Variants in WAPL observed in about 807,000 individuals in gnomAD.
WAPL encodes the protein WAPL cohesin release factor.
In WAPL, 5 loss-of-function variants were observed where a neutral mutation model predicts 121.0. That is an observed-to-expected ratio of 0.04 (90% CI 0.02 to 0.09). WAPL has a LOEUF of 0.09. Ranked by LOEUF, WAPL falls within the 10% of genes least tolerant of loss-of-function variation. WAPL has a pLI of 1.00. For missense variants in WAPL, 999 were observed against 1,410.8 expected, an observed-to-expected ratio of 0.71 and a Z score of 4.68; for synonymous variants, 480 against 481.5, an observed-to-expected ratio of 1.00 and a Z score of 0.04.
Position 86,446,252 on chromosome 10 carries a change from G to A in WAPL, c.3312C>T (p.Asp1104=). The change falls in exon 16 of 19, where the codon GAC becomes GAT. Residue 1104 remains aspartate (D), a synonymous_variant. Transcript: ENST00000298767. The part of the protein sequence containing the change: ...HKKEEEDEEL[D]LNKALQHAGK... ...TCAAAGTAAATATACCTTTATTGAG[G>A]TCAAGTTCTTCATCCTCCTCCTCCT... is the stretch of plus-strand genomic sequence containing the variant. 1 of 1,614,032 alleles carries A rather than the reference G, an allele frequency of 6.2e-7. No homozygotes were observed. Among genetic ancestry groups the A allele is most frequent in the Non-Finnish European group, 8.5e-7 (1 of 1,179,986 alleles).
chr10:86,504,396 G>T (rs192764234), intron 2 of WAPL, among the ~76,000 whole-genome samples: 66 of 149,720 alleles, frequency 4.4e-4, no homozygotes, highest in African/African-American at 1.6e-3. Flanking sequence ...CAACCATCAG[G>T]CCAGGTGCGG....
At position 86,479,553 on chromosome 10, in the gene WAPL, C is replaced by CA. The variant is rs556065650; in HGVS notation, c.1645-5581dup. Among the ~76,000 whole-genome samples the CA allele has an allele frequency of 1.4e-3, 209 of 150,236 alleles. 3 individuals carry two copies. In the South Asian group the frequency reaches 0.042, roughly 30 times the overall value. On this transcript the variant is annotated intron_variant, in intron 4 of 18. Coordinates refer to ENST00000298767, the MANE Select transcript of WAPL (RefSeq NM_015045.5). ...ACTGGCGTGAGCCACAGCGCACAGC[C>CA]AAAAAAAAGGAATGTTTTTAAGCCA...
In WAPL at chr10:86,521,515, GAAGCCCGGTT is replaced by G. The variant is rs757987646; in HGVS notation, c.-183_-174del. The stretch of plus-strand genomic sequence containing the variant: ...GAGGGACTCTGCTTTCGGTAAATAG[GAAGCCCGGTT>G]GGGGGGGCAGGAGCGGCGGCCCCGC... On this transcript the variant is annotated 5_prime_UTR_variant, in exon 1 of 19. Transcript: ENST00000298767. 3.8e-4 allele frequency: 138 copies of G among 361,038 alleles called. No individual in the cohort carries two copies. Among genetic ancestry groups the G allele is most frequent in the Non-Finnish European group, 7.2e-4 (132 of 182,672 alleles). 22.4% of individuals were successfully genotyped at this position (361,038 alleles called of 1,614,324 possible). A position where few individuals can be genotyped will look rare whatever the true frequency, so the allele number is the denominator to read the frequency against.
intron 4 of WAPL, among the ~76,000 whole-genome samples, chr10:86,483,421 CAA>C (rs1055554857): frequency 5.5e-5 from 7 of 126,604 alleles, no homozygotes; most frequent in African/African-American, 1.5e-4. Context: ...AACTCCATCT[CAA>C]AAAAAAAAAA....
intron 4 of WAPL, among the ~76,000 whole-genome samples, chr10:86,493,066 A>C (rs1842081135): frequency 6.6e-6 from 1 of 152,080 alleles, no homozygotes; most frequent in Non-Finnish European, 1.5e-5. Context: ...GTCTCAAAAA[A>C]AAAAAAAAAA....
chr10:86,500,667 C>G lies in WAPL; in HGVS notation c.576G>C (p.Lys192Asn), dbSNP rs753550341. 6.2e-7 allele frequency: 1 copy of G among 1,612,486 alleles called. No homozygotes were observed. The highest frequency in any genetic ancestry group is 2.2e-5 in the East Asian group (1 of 44,870). ...HIHKNADDST[K>N]KPNAETTVAS... ...CCACTGTAGTTTCTGCATTGGGTTT[C>G]TTAGTACTGTCATCAGCATTTTTGT... The change falls in exon 3 of 19, where the codon AAG becomes AAC. Residue 192 changes from lysine (K) to asparagine (N), a missense_variant. Lys to Asn is a moderately conservative substitution (Grantham distance 94). Transcript: ENST00000298767.
intron 4 of WAPL, among the ~76,000 whole-genome samples, chr10:86,490,736 A>C (rs767965717): frequency 6.6e-6 from 1 of 152,178 alleles, no homozygotes; most frequent in Non-Finnish European, 1.5e-5. Flanking sequence ...TGTATGCTGT[A>C]GGATAAAGCA....
At chr10:86,460,099 T>A (rs1841235063) in intron 11 of WAPL, among the ~76,000 whole-genome samples, 1 of 152,058 alleles carries the variant, frequency 6.6e-6, no homozygotes. Context: ...GGTGACAGAG[T>A]GAGACTCTGG....
chr10:86,451,230 C>G (rs986836319), intron 15 of WAPL, among the ~76,000 whole-genome samples: 2 of 152,100 alleles, frequency 1.3e-5, no homozygotes, highest in African/African-American at 4.8e-5. Context: ...GCGTAAGCCA[C>G]TGCACCCAAT....
chr10:86,505,300 CTTTTTTTTT>C (rs531404303), intron 2 of WAPL, among the ~76,000 whole-genome samples: 21 of 44,646 alleles, frequency 4.7e-4, no homozygotes, highest in East Asian at 2.9e-3. Flanking sequence ...GTGCCCAACT[CTTTTTTTTT>C]TTTTTTTTTT....
rs1355231011 is a variant in WAPL, at chr10:86,436,480, A to T, written c.*1063T>A. On this transcript the variant is annotated 3_prime_UTR_variant, in exon 19 of 19. Transcript: ENST00000298767. The stretch of plus-strand genomic sequence containing the variant: ...TCTATAAAATGTTTTGTGTTCCATA[A>T]CTGTTTTTCAAATAACTGCTCTACG... 1 of 152,594 alleles carries T rather than the reference A, an allele frequency of 6.6e-6. No homozygotes were observed. Among genetic ancestry groups the T allele is most frequent in the East Asian group, 1.9e-4 (1 of 5,192 alleles). The allele number at this position is 152,594 out of a possible 1,614,324, so 9.5% of individuals were successfully genotyped here.
chr10:86,466,561 C>T lies in WAPL; in HGVS notation c.2370+718G>A, dbSNP rs908638216. 1.7e-4 allele frequency among the ~76,000 whole-genome samples: 26 copies of T among 151,960 alleles called. 1 individual carries two copies. The highest frequency in any genetic ancestry group is 7.2e-4 in the Admixed American group (11 of 15,260). On this transcript the variant is annotated intron_variant, in intron 9 of 18. Coordinates refer to ENST00000298767, the MANE Select transcript of WAPL (RefSeq NM_015045.5). The stretch of plus-strand genomic sequence containing the variant: ...TTCCAGCCTGGGCAACAGAGCAAGA[C>T]GCTATCTCAAAAAACAGTAATTATT...
At chr10:86,444,035 A>G (rs1021255447) in intron 16 of WAPL, 4 of 152,288 alleles carry the variant, frequency 2.6e-5, no homozygotes, top group Admixed American at 2.0e-4. Flanking sequence ...AAAACAACAA[A>G]AACAACCCAC....
chr10:86,511,812 T>G (rs1045671540), intron 2 of WAPL, among the ~76,000 whole-genome samples: 4 of 151,890 alleles, frequency 2.6e-5, no homozygotes, highest in African/African-American at 9.7e-5. Flanking sequence ...ACCATTGTAC[T>G]CCCAACTACT....
In WAPL at chr10:86,460,425, C is replaced by G; in HGVS notation, c.2554G>C (p.Glu852Gln). Reference protein sequence around the residue: ...EKLVASLWGAERCLRVLESVT... With the variant: ...EKLVASLWGAQRCLRVLESVT... ...CTTTCTAAAACTCGTAAACATCTCT[C>G]TGCTCCCCATAGTGAGGCTACCAGT... is the stretch of plus-strand genomic sequence containing the variant. The change falls in exon 11 of 19, where the codon GAG (glutamate) becomes CAG (glutamine). Residue 852 changes from glutamate (E) to glutamine (Q), a missense_variant. Physicochemically the swap from Glu to Gln is conservative, Grantham distance 29. This residue lies in a region of WAPL where 118 missense variants were observed against 318.3 expected (regional missense o/e 0.37). Transcript: ENST00000298767. The G allele has an allele frequency of 6.2e-7, 1 of 1,613,894 alleles. No individual in the cohort carries two copies.
At chr10:86,440,595 G>C (rs908608164) in intron 17 of WAPL, among the ~76,000 whole-genome samples, 1 of 152,064 alleles carries the variant, frequency 6.6e-6, no homozygotes, top group Non-Finnish European at 1.5e-5. Context: ...CACTGCGCCC[G>C]GCCTTTTTTC....
At chr10:86,508,537 G>C (rs1842393962) in intron 2 of WAPL, among the ~76,000 whole-genome samples, 1 of 151,840 alleles carries the variant, frequency 6.6e-6, no homozygotes, top group Admixed American at 6.6e-5. Context: ...TCACCCCTTG[G>C]ATCACTCCAG....
In WAPL at chr10:86,461,131, G is replaced by T. The variant is rs769326078; in HGVS notation, c.2482+45C>A. On this transcript the variant is annotated intron_variant, in intron 10 of 18. Transcript: ENST00000298767. ...GTACGTCAATGGAGTATTTTCTTCA[G>T]GCTTTAAATAATATATAAAAACATT... 7 of 1,416,386 alleles carry T rather than the reference G, an allele frequency of 4.9e-6. No individual in the cohort carries two copies. The South Asian group carries it at 6.1e-5, about 12-fold the overall frequency. The allele number at this position is 1,416,386 out of a possible 1,614,324, so 87.7% of individuals were successfully genotyped here. A position where few individuals can be genotyped will look rare whatever the true frequency, so the allele number is the denominator to read the frequency against.
intron 8 of WAPL, among the ~76,000 whole-genome samples, chr10:86,469,615 T>C (rs1196200159): frequency 6.6e-6 from 1 of 151,988 alleles, no homozygotes; most frequent in African/African-American, 2.4e-5. Context: ...AATGTGAATA[T>C]AAAAAAAGGT....
Sources: gnomAD v4.1 joint callset for allele counts (sites outside exome capture counted in the v4.1 genomes callset) on GRCh38, gnomAD v4.1.1 for gene constraint, gnomAD v4.1.1 regional missense constraint, MANE v1.5 for transcripts, NCBI Gene and HGNC (gene_info 2026-07-23, HGNC 2026-07-21) for gene names.